WDR27: variants seen among roughly 807,000 people sequenced by gnomAD.
WDR27 encodes WD repeat domain 27.
In WDR27, 100 loss-of-function variants were observed where a neutral mutation model predicts 114.4. The ratio of observed to expected loss-of-function variants is 0.87; its 90% CI spans 0.74 to 1.03. The LOEUF (loss-of-function observed/expected upper bound fraction) is 1.03. Ranked by LOEUF, WDR27 falls within the 50% of genes least tolerant of loss-of-function variation. The probability of loss-of-function intolerance (pLI) is 0.00; values close to 1 mark genes in which losing one functional copy is unlikely to be tolerated. For synonymous variants in WDR27, 449 were observed against 423.1 expected (o/e 1.06, Z -0.75); for missense variants, 1,129 against 1,092.9 (o/e 1.03, Z -0.47).
At chr6:169,552,841 G>A (rs1198791713) in intron 25 of WDR27, among the ~76,000 whole-genome samples, 3 of 152,210 alleles carry the variant, frequency 2.0e-5, no homozygotes, top group African/African-American at 7.2e-5. Context: ...TCTCAGTTGA[G>A]GCTAAAATAA....
intron 2 of WDR27, among the ~76,000 whole-genome samples, chr6:169,680,634 C>G (rs1270877329): frequency 2.6e-5 from 4 of 152,026 alleles, no homozygotes; most frequent in Admixed American, 6.6e-5. Context: ...TAAAAGATCC[C>G]TGAATGTTTA....
the WDR27 span, among the ~76,000 whole-genome samples, chr6:169,436,446 CTG>C: frequency 6.6e-6 from 1 of 150,454 alleles, no homozygotes; most frequent in African/African-American, 2.4e-5. Context: ...ATGAAAACAA[CTG>C]TATCTTCTGA....
At chr6:169,431,099 T>C in the WDR27 span, among the ~76,000 whole-genome samples, 1 of 152,214 alleles carries the variant, frequency 6.6e-6, no homozygotes, top group Non-Finnish European at 1.5e-5. Flanking sequence ...CAGTGTTACC[T>C]GCAACTGTCA....
chr6:169,580,514 G>A (rs1803188404), intron 24 of WDR27, among the ~76,000 whole-genome samples: 1 of 152,180 alleles, frequency 6.6e-6, no homozygotes, highest in Non-Finnish European at 1.5e-5. Context: ...CTTTGTGAAG[G>A]AGAAGATTTT....
chr6:169,523,459 A>G (rs1382335751), intron 25 of WDR27, among the ~76,000 whole-genome samples: 1 of 152,140 alleles, frequency 6.6e-6, no homozygotes, highest in East Asian at 1.9e-4. Flanking sequence ...CATTACTCTG[A>G]TATCAAAACC....
chr6:169,597,960 C>CT (rs11393060), intron 23 of WDR27, among the ~76,000 whole-genome samples: 40,052 of 144,796 alleles, frequency 0.28, 5,871 homozygotes, highest in South Asian at 0.41. Context: ...ACATAGGTCT[C>CT]TTTTTTTTTT....
chr6:169,684,012 C>T lies in WDR27; in HGVS notation c.189+4805G>A, dbSNP rs927565009. On this transcript the variant is annotated intron_variant, in intron 2 of 25. Coordinates refer to ENST00000448612, the MANE Select transcript of WDR27 (RefSeq NM_182552.5). The surrounding 1 kb of genome is among the most constrained non-coding windows in gnomAD (Gnocchi z 4.3). ...CTGCTCTGGGGGCCAGAAGTCACTGCCATTCTCCAGCCCTGGGGCTCCATC... is the reference window on the plus strand; with the variant it reads ...CTGCTCTGGGGGCCAGAAGTCACTGTCATTCTCCAGCCCTGGGGCTCCATC... Among the ~76,000 whole-genome samples the T allele has an allele frequency of 2.0e-5, 3 of 152,196 alleles. No individual in the cohort carries two copies. The highest frequency in any genetic ancestry group is 7.2e-5 in the African/African-American group (3 of 41,456).
chr6:169,548,732 C>G (rs945733319), intron 25 of WDR27, among the ~76,000 whole-genome samples: 4 of 151,954 alleles, frequency 2.6e-5, no homozygotes, highest in Non-Finnish European at 4.4e-5. Context: ...AATAGAGAGC[C>G]CAGAAATAGA....
the WDR27 span, among the ~76,000 whole-genome samples, chr6:169,440,429 G>T: frequency 6.6e-6 from 1 of 151,968 alleles, no homozygotes; most frequent in Non-Finnish European, 1.5e-5. Flanking sequence ...CAAGCCTCAC[G>T]CCTAGTGTGT....
In WDR27 at chr6:169,597,877, T is replaced by TTCATACAC. The variant is rs1199110824; in HGVS notation, c.2424+4341_2424+4342insGTGTATGA. ...GCACAACTTCACCTCTTACCATTCA[T>TTCATACAC]ACACACACACACACACACACACACA... On this transcript the variant is annotated intron_variant, in intron 23 of 25. Transcript: ENST00000448612. Among the ~76,000 whole-genome samples, 463 of 142,280 alleles carry TTCATACAC rather than the reference T, an allele frequency of 3.3e-3. 1 individual carries two copies. The highest frequency in any genetic ancestry group is 5.7e-3 in the East Asian group (26 of 4,592). 93.3% of individuals were successfully genotyped at this position (142,280 alleles called of 152,430 possible).
intron 25 of WDR27, among the ~76,000 whole-genome samples, chr6:169,474,819 T>C (rs1472375027): frequency 6.6e-6 from 1 of 152,134 alleles, no homozygotes; most frequent in Non-Finnish European, 1.5e-5. Flanking sequence ...TATTAGCAAA[T>C]CTCTCATATA....
chr6:169,449,523 G>A, the WDR27 span, among the ~76,000 whole-genome samples: 2 of 152,168 alleles, frequency 1.3e-5, no homozygotes, highest in Non-Finnish European at 1.5e-5. Flanking sequence ...TTAGCATGCT[G>A]ACTCTGCAGG....
intron 1 of WDR27, among the ~76,000 whole-genome samples, chr6:169,693,903 T>C (rs532999213): frequency 6.6e-6 from 1 of 152,166 alleles, no homozygotes; most frequent in African/African-American, 2.4e-5. Context: ...GGAATTTCAA[T>C]ACTCCACTGA....
intron 17 of WDR27, among the ~76,000 whole-genome samples, chr6:169,640,728 G>C (rs75152485): frequency 6.6e-6 from 1 of 152,250 alleles, no homozygotes; most frequent in East Asian, 1.9e-4. Context: ...AGGGCCTGAC[G>C]TATCTGCCCG....
chr6:169,669,735 A>G (rs1049046974), intron 4 of WDR27: 1 of 152,112 alleles, frequency 6.6e-6, no homozygotes, highest in Non-Finnish European at 1.5e-5. Flanking sequence ...ACTTCCCATC[A>G]TCTCTCTGTG....
At chr6:169,474,246 G>A (rs1786829946) in intron 25 of WDR27, among the ~76,000 whole-genome samples, 1 of 152,150 alleles carries the variant, frequency 6.6e-6, no homozygotes, top group South Asian at 2.1e-4. Context: ...AGCAAACCTA[G>A]AGCTCCTTGG....
intron 25 of WDR27, among the ~76,000 whole-genome samples, chr6:169,472,279 G>T (rs143740414): frequency 2.0e-3 from 303 of 152,282 alleles, no homozygotes; most frequent in African/African-American, 6.7e-3. Context: ...TACATAAAAT[G>T]TCCTGCATTA....
chr6:169,641,356 T>C (rs1452684054), intron 17 of WDR27, among the ~76,000 whole-genome samples: 4 of 152,162 alleles, frequency 2.6e-5, no homozygotes, highest in African/African-American at 9.7e-5. Flanking sequence ...AAGGTGCCCA[T>C]GGGGGACCAC....
chr6:169,513,224 GGTGGGCCCCTCACA>G (rs1451255329), intron 25 of WDR27, among the ~76,000 whole-genome samples: 1 of 152,122 alleles, frequency 6.6e-6, no homozygotes, highest in African/African-American at 2.4e-5. Context: ...GCCTCAGTGA[GGTGGGCCCCTCACA>G]GTGCAGCTCA....
Sources: gnomAD v4.1 joint callset for allele counts (sites outside exome capture counted in the v4.1 genomes callset) on GRCh38, gnomAD v4.1.1 for gene constraint, Gnocchi (gnomAD v3.1) non-coding constraint, MANE v1.5 for transcripts, NCBI Gene and HGNC (gene_info 2026-07-23, HGNC 2026-07-21) for gene names.